Variants in SKIC2 observed in about 807,000 individuals in gnomAD.
SKIC2 encodes superkiller complex protein 2.
the SKIC2 span, chr6:31,969,476 G>C: frequency 6.8e-6 from 11 of 1,613,768 alleles, 1 homozygote; most frequent in South Asian, 1.2e-4. This position sits in a 1 kb window ranked among gnomAD's most constrained non-coding sequence, Gnocchi z 6.1. Context: ...AACCTGCCCA[G>C]GCTGAGTGCA....
chr6:31,968,555 T>G, the SKIC2 span: 1 of 1,603,210 alleles, frequency 6.2e-7, no homozygotes. The surrounding 1 kb of genome is among the most constrained non-coding windows in gnomAD (Gnocchi z 6.1). Context: ...CCCTGGGTGG[T>G]AACTCCCAAG....
At chr6:31,969,229 C>T in the SKIC2 span, 8 of 1,605,322 alleles carry the variant, frequency 5.0e-6, no homozygotes, top group Non-Finnish European at 6.8e-6. This position sits in a 1 kb window ranked among gnomAD's most constrained non-coding sequence, Gnocchi z 6.1. Context: ...TCTGGTCCTT[C>T]CCTGTCCTGG....
the SKIC2 span, chr6:31,968,614 C>A: frequency 2.1e-5 from 33 of 1,548,600 alleles, no homozygotes; most frequent in South Asian, 2.8e-4. This position sits in a 1 kb window ranked among gnomAD's most constrained non-coding sequence, Gnocchi z 6.1. Flanking sequence ...CTGACCGCCC[C>A]CATCTCAGCC....
chr6:31,962,187 C>T, the SKIC2 span: 1 of 993,016 alleles, frequency 1.0e-6, no homozygotes, highest in Middle Eastern at 2.9e-4. The surrounding 1 kb of genome is among the most constrained non-coding windows in gnomAD (Gnocchi z 5.0). Flanking sequence ...AAGACTGAGA[C>T]AAGAGCCCAG....
At chr6:31,969,311 G>A in the SKIC2 span, 18 of 1,614,068 alleles carry the variant, frequency 1.1e-5, no homozygotes, top group African/African-American at 4.0e-5. The surrounding 1 kb of genome is among the most constrained non-coding windows in gnomAD (Gnocchi z 6.1). Context: ...GTGGCCAAGC[G>A]GATTGGTGAG....
At chr6:31,962,008 G>A in the SKIC2 span, 4 of 1,613,052 alleles carry the variant, frequency 2.5e-6, no homozygotes, top group East Asian at 6.7e-5. The surrounding 1 kb of genome is among the most constrained non-coding windows in gnomAD (Gnocchi z 5.0). Context: ...AGGAAAAACA[G>A]TTGTGGCTGA....
At chr6:31,964,012 G>T in the SKIC2 span, 2 of 1,612,606 alleles carry the variant, frequency 1.2e-6, no homozygotes, top group Non-Finnish European at 1.7e-6. The surrounding 1 kb of genome is among the most constrained non-coding windows in gnomAD (Gnocchi z 5.0). Context: ...TGATGAGCAG[G>T]CCTCAGGCCT....
At chr6:31,964,841 C>G in the SKIC2 span, among the ~76,000 whole-genome samples, 1 of 152,116 alleles carries the variant, frequency 6.6e-6, no homozygotes, top group Non-Finnish European at 1.5e-5. This position sits in a 1 kb window ranked among gnomAD's most constrained non-coding sequence, Gnocchi z 5.0. Flanking sequence ...CTATATTGGC[C>G]GGGCATGGTG....
the SKIC2 span, chr6:31,959,317 C>G: frequency 6.2e-7 from 1 of 1,613,976 alleles, no homozygotes; most frequent in South Asian, 1.1e-5. Flanking sequence ...TCCAGATCCC[C>G]TGGACCTACC....
the SKIC2 span, among the ~76,000 whole-genome samples, chr6:31,964,643 A>T: frequency 6.6e-6 from 1 of 152,340 alleles, no homozygotes; most frequent in South Asian, 2.1e-4. This position sits in a 1 kb window ranked among gnomAD's most constrained non-coding sequence, Gnocchi z 5.0. Context: ...AAAAGTTATT[A>T]GTAATCAGAA....
the SKIC2 span, chr6:31,965,988 T>C: frequency 6.2e-7 from 1 of 1,606,596 alleles, no homozygotes; most frequent in Non-Finnish European, 8.5e-7. The surrounding 1 kb of genome is among the most constrained non-coding windows in gnomAD (Gnocchi z 5.6). Flanking sequence ...GTGCCCGAGA[T>C]GGCAGACCTG....
the SKIC2 span, chr6:31,960,695 C>A: frequency 6.3e-7 from 1 of 1,586,632 alleles, no homozygotes; most frequent in Non-Finnish European, 8.6e-7. Flanking sequence ...CATAACAGAT[C>A]TGAACACACG....
chr6:31,963,352 T>G, the SKIC2 span: 19 of 1,447,792 alleles, frequency 1.3e-5, no homozygotes, highest in Middle Eastern at 4.1e-4. The surrounding 1 kb of genome is among the most constrained non-coding windows in gnomAD (Gnocchi z 5.3). Flanking sequence ...GGGAAGGGGG[T>G]GGGGATGTGG....
At chr6:31,965,375 A>G in the SKIC2 span, among the ~76,000 whole-genome samples, 11 of 152,278 alleles carry the variant, frequency 7.2e-5, no homozygotes, top group South Asian at 2.1e-3. This position sits in a 1 kb window ranked among gnomAD's most constrained non-coding sequence, Gnocchi z 5.6. Context: ...GGCCACAGGA[A>G]CATGGACAGA....
At chr6:31,959,601 T>C in the SKIC2 span, 2 of 565,210 alleles carry the variant, frequency 3.5e-6, no homozygotes, top group Non-Finnish European at 6.2e-6. Flanking sequence ...GGGATATTTT[T>C]GCTTTGAGAG....
At chr6:31,960,576 G>A in the SKIC2 span, 2 of 1,581,492 alleles carry the variant, frequency 1.3e-6, no homozygotes, top group Non-Finnish European at 1.7e-6. Context: ...GATGGTAGAA[G>A]AGGGTGTCTT....
the SKIC2 span, chr6:31,968,260 C>T: frequency 1.3e-6 from 2 of 1,486,058 alleles, no homozygotes; most frequent in Non-Finnish European, 1.9e-6. The surrounding 1 kb of genome is among the most constrained non-coding windows in gnomAD (Gnocchi z 6.1). Context: ...AGGGCTTCCA[C>T]AGCCTGAGGG....
chr6:31,961,988 A>C, the SKIC2 span: 1 of 1,612,768 alleles, frequency 6.2e-7, no homozygotes, highest in African/African-American at 1.3e-5. Context: ...GTCGCAGCTC[A>C]CACATCTGCA....
the SKIC2 span, chr6:31,962,080 C>G: frequency 3.2e-5 from 52 of 1,609,396 alleles, no homozygotes; most frequent in East Asian, 1.1e-3. The surrounding 1 kb of genome is among the most constrained non-coding windows in gnomAD (Gnocchi z 5.0). Context: ...CCAACCTCCC[C>G]CTTCACCAGC....
Sources: gnomAD v4.1 joint callset for allele counts (sites outside exome capture counted in the v4.1 genomes callset) on GRCh38, gnomAD v4.1.1 for gene constraint, Gnocchi (gnomAD v3.1) non-coding constraint, MANE v1.5 for transcripts, NCBI Gene and HGNC (gene_info 2026-07-23, HGNC 2026-07-21) for gene names.